DEFB136: variants seen among roughly 807,000 people sequenced by gnomAD.
The protein encoded by DEFB136 is defensin beta 136, also known as beta-defensin 136.
DEFB136 carries 6 observed loss-of-function variants against 2.4 expected under a neutral mutation model. The ratio of observed to expected loss-of-function variants is 2.45; its 90% CI spans 1.34 to 4.84. The LOEUF (loss-of-function observed/expected upper bound fraction) is 4.84, where lower values mean the gene tolerates loss of function less well. Ranked by LOEUF, DEFB136 falls within the 30% of genes most tolerant of loss-of-function variation. The pLI is 0.00. For missense variants in DEFB136, 126 were observed against 98.4 expected (o/e 1.28, Z -1.19); for synonymous variants, 47 against 35.2 (o/e 1.33, Z -1.18).
At chr8:11,974,156 C>G in intron 1 of DEFB136, 38 bp from the exon 2 acceptor site, 2 of 1,510,798 alleles carry the variant, frequency 1.3e-6, no homozygotes, top group Non-Finnish European at 1.8e-6. Context: ...AAAAATCAAT[C>G]TTAATGAGGC....
rs200801364 is a variant in DEFB136, at chr8:11,974,133, G to T, written c.56-15C>A. Reference sequence around the variant, plus strand: ...CATACCTTTTCCTGAAGCGGGGAGAGACCACAGAAAAGAAAAATCAATCTT... The same window carrying T: ...CATACCTTTTCCTGAAGCGGGGAGATACCACAGAAAAGAAAAATCAATCTT... On this transcript the variant is annotated splice_polypyrimidine_tract_variant and intron_variant, in intron 1 of 1. Transcript: ENST00000382209. 2.0e-5 allele frequency: 30 copies of T among 1,535,236 alleles called. No individual in the cohort carries two copies. Among genetic ancestry groups the T allele is most frequent in the Admixed American group, 6.4e-5 (3 of 46,744 alleles).
intron 1 of DEFB136, among the ~76,000 whole-genome samples, chr8:11,974,344 G>T (rs150874981): frequency 6.6e-6 from 1 of 152,132 alleles, no homozygotes; most frequent in South Asian, 2.1e-4. Context: ...ATCCACCCCC[G>T]TCCCCGGTGC....
In DEFB136 at chr8:11,974,116, T is replaced by C; in HGVS notation, c.58A>G (p.Lys20Glu). ...ACTCCATCATTCCCAAACATACCTTTTCCTGAAGCGGGGAGAGACCACAGA... is the reference window on the plus strand; with the variant it reads ...ACTCCATCATTCCCAAACATACCTTCTCCTGAAGCGGGGAGAGACCACAGA... ...FFLVILLPSG[K>E]GMFGNDGVKV... The change falls in exon 2 of 2, where the codon AAA (lysine) becomes GAA (glutamate). Residue 20 changes from lysine (K) to glutamate (E), a missense_variant and splice_region_variant. Lys to Glu is a moderately conservative substitution (Grantham distance 56, BLOSUM62 1). Transcript: ENST00000382209. The C allele has an allele frequency of 6.4e-7, 1 of 1,564,832 alleles. No individual in the cohort carries two copies. The highest frequency in any genetic ancestry group is 8.6e-7 in the Non-Finnish European group (1 of 1,156,954).
chr8:11,974,102 C>A lies in DEFB136; in HGVS notation c.72G>T (p.Gly24=). Residue 24 remains glycine, a synonymous_variant, in exon 2 of 2, where the codon GGG becomes GGT. Coordinates refer to ENST00000382209, the MANE Select transcript of DEFB136 (RefSeq NM_001033018.2). ...ILLPSGKGMF[G]NDGVKVRTCT... Reference sequence around the variant, plus strand: ...AGGTGCGAACTTTGACTCCATCATTCCCAAACATACCTTTTCCTGAAGCGG... The same window carrying A: ...AGGTGCGAACTTTGACTCCATCATTACCAAACATACCTTTTCCTGAAGCGG... The A allele has an allele frequency of 6.4e-7, 1 of 1,573,170 alleles. No homozygotes were observed. Among genetic ancestry groups the A allele is most frequent in the Non-Finnish European group, 8.6e-7 (1 of 1,161,864 alleles).
intron 1 of DEFB136, 123 bp downstream of exon 1, chr8:11,974,422 C>G (rs1234792939): frequency 2.5e-6 from 3 of 1,224,478 alleles, no homozygotes; most frequent in Non-Finnish European, 2.4e-6. Flanking sequence ...CACCATGCCC[C>G]TAACATGGTG....
At chr8:11,974,479 T>G in intron 1 of DEFB136, 66 bp downstream of exon 1, 2 of 1,574,830 alleles carry the variant, frequency 1.3e-6, no homozygotes, top group Non-Finnish European at 1.7e-6. Flanking sequence ...AGTTAGAGGG[T>G]TTTTTAAGCA....
intron 1 of DEFB136, 27 bp downstream of exon 1, chr8:11,974,518 T>C (rs756073379): frequency 6.2e-7 from 1 of 1,613,194 alleles, no homozygotes; most frequent in Non-Finnish European, 8.5e-7. Context: ...CCCACTTTTA[T>C]GTTCAGACTC....
rs139413395 is a variant in DEFB136 at position 11,974,530 on chromosome 8, C to T, written c.55+15G>A. 5.0e-4 allele frequency: 801 copies of T among 1,613,818 alleles called. 4 individuals are homozygous for T. The African/African-American group carries it at 6.2e-3, about 12-fold the overall frequency. On this transcript the variant is annotated intron_variant, in intron 1 of 1. Transcript: ENST00000382209. ...ACACCCACTTTTATGTTCAGACTCA[C>T]GCCCACTGTCTTACCTGAAGGCAGT...
Position 11,974,118 on chromosome 8 carries a change from C to T in DEFB136, c.56G>A (p.Gly19Glu). 1 of 1,562,436 alleles carries T rather than the reference C, an allele frequency of 6.4e-7. No individual in the cohort carries two copies. Among genetic ancestry groups the T allele is most frequent in the South Asian group, 1.2e-5 (1 of 82,092 alleles). Residue 19 changes from glycine to glutamate, a missense_variant and splice_region_variant, in exon 2 of 2, where the codon GGA becomes GAA. By Grantham distance (98) the Gly-to-Glu change is moderately conservative (BLOSUM62 -2). Coordinates refer to ENST00000382209, the MANE Select transcript of DEFB136 (RefSeq NM_001033018.2). ...LFFLVILLPS[G>E]KGMFGNDGVK... is the part of the protein sequence containing the mutation. ...TCCATCATTCCCAAACATACCTTTT[C>T]CTGAAGCGGGGAGAGACCACAGAAA...
intron 1 of DEFB136, among the ~76,000 whole-genome samples, chr8:11,974,339 C>A (rs527699316): frequency 2.0e-5 from 3 of 152,146 alleles, no homozygotes; most frequent in African/African-American, 4.8e-5. Flanking sequence ...ATGACATCCA[C>A]CCCCGTCCCC....
Position 11,974,015 on chromosome 8 carries a change from G to C in DEFB136, c.159C>G (p.Phe53Leu). Residue 53 changes from phenylalanine (F) to leucine (L), a missense_variant, in exon 2 of 2, where the codon TTC (phenylalanine) becomes TTG (leucine). Transcript: ENST00000382209. The stretch of plus-strand genomic sequence containing the variant: ...TACAGCAAGACAGAATATTGTGGCA[G>C]AACGCAATCCACCTGTATCCTGGCG... ...GCPPGYRWIA[F>L]CHNILSCCKN... 2 of 1,612,100 alleles carry C rather than the reference G, an allele frequency of 1.2e-6. No individual in the cohort carries two copies. Among genetic ancestry groups the C allele is most frequent in the Non-Finnish European group, 8.5e-7 (1 of 1,179,102 alleles).
rs1799547132 is a variant in DEFB136, at chr8:11,974,127, G to A, written c.56-9C>T. The A allele has an allele frequency of 1.3e-6, 2 of 1,545,370 alleles. No individual in the cohort carries two copies. Among genetic ancestry groups the A allele is most frequent in the African/African-American group, 2.8e-5 (2 of 72,166 alleles). On this transcript the variant is annotated splice_polypyrimidine_tract_variant and intron_variant, in intron 1 of 1. Transcript: ENST00000382209. ...CCCAAACATACCTTTTCCTGAAGCG[G>A]GGAGAGACCACAGAAAAGAAAAATC... is the stretch of plus-strand genomic sequence containing the variant.
rs369002204 is a variant in DEFB136 at position 11,974,583 on chromosome 8, G to A, written c.17C>T (p.Ser6Phe). The A allele has an allele frequency of 5.6e-6, 9 of 1,613,968 alleles. No homozygotes were observed. The highest frequency in any genetic ancestry group is 6.8e-6 in the Non-Finnish European group (8 of 1,179,990). Residue 6 changes from serine to phenylalanine, a missense_variant, in exon 1 of 2, where the codon TCT becomes TTT. Physicochemically the swap from Ser to Phe is radical, Grantham distance 155 (BLOSUM62 -2). Coordinates refer to ENST00000382209, the MANE Select transcript of DEFB136 (RefSeq NM_001033018.2). ...GATCACCAGGAAAAAGAGTAATGCA[G>A]AAAGACAGAGGTTCATGGCCGAAGA... MNLCL[S>F]ALLFFLVILL... is the part of the protein sequence containing the mutation.
chr8:11,974,487 G>A, intron 1 of DEFB136, 58 bp downstream of exon 1: 1 of 1,587,868 alleles, frequency 6.3e-7, no homozygotes, highest in Non-Finnish European at 8.6e-7. Context: ...GGTTTTTTAA[G>A]CATCTCAATC....
rs1363241214 is a variant in DEFB136, at chr8:11,974,534, C to G, written c.55+11G>C. ...CCACTTTTATGTTCAGACTCACGCC[C>G]ACTGTCTTACCTGAAGGCAGTAAGA... On this transcript the variant is annotated intron_variant, in intron 1 of 1. Coordinates refer to ENST00000382209, the MANE Select transcript of DEFB136 (RefSeq NM_001033018.2). 2 of 1,613,980 alleles carry G rather than the reference C, an allele frequency of 1.2e-6. No individual in the cohort carries two copies. The highest frequency in any genetic ancestry group is 1.7e-6 in the Non-Finnish European group (2 of 1,179,876).
In DEFB136 at chr8:11,974,029, T is replaced by A. The variant is rs766794539; in HGVS notation, c.145A>T (p.Arg49Trp). The change falls in exon 2 of 2, where the codon AGG becomes TGG. Residue 49 changes from arginine (R) to tryptophan (W), a missense_variant. Transcript: ENST00000382209. ...ATATTGTGGCAGAACGCAATCCACC[T>A]GTATCCTGGCGGACACCCGAAGAAA... is the stretch of plus-strand genomic sequence containing the variant. ...VCFFGCPPGY[R>W]WIAFCHNILS... 6.2e-7 allele frequency: 1 copy of A among 1,612,314 alleles called. No individual in the cohort carries two copies. Among genetic ancestry groups the A allele is most frequent in the South Asian group, 1.1e-5 (1 of 90,630 alleles).
chr8:11,974,204 A>G (rs988095081), intron 1 of DEFB136, 86 bp from the exon 2 acceptor site: 3 of 1,453,544 alleles, frequency 2.1e-6, no homozygotes, highest in Admixed American at 2.4e-5. Flanking sequence ...CTCCTGGTTG[A>G]TGGCTTGTTA....
At position 11,974,474 on chromosome 8, in the gene DEFB136, G is replaced by C. The variant is rs1799555429; in HGVS notation, c.55+71C>G. ...TGTCCTGTTGCTGGGCTTATAGTTA[G>C]AGGGTTTTTTAAGCATCTCAATCTT... On this transcript the variant is annotated intron_variant, in intron 1 of 1. Transcript: ENST00000382209. 6.4e-6 allele frequency: 10 copies of C among 1,557,902 alleles called. No homozygotes were observed. The Middle Eastern group carries it at 5.0e-4, about 78-fold the overall frequency.
Position 11,974,408 on chromosome 8 carries a change from C to T in DEFB136, c.55+137G>A, listed in dbSNP as rs767570711. 47 of 1,090,318 alleles carry T rather than the reference C, an allele frequency of 4.3e-5. 1 individual carries two copies. The highest frequency in any genetic ancestry group is 7.1e-5 in the East Asian group (3 of 42,092). The allele number at this position is 1,090,318 out of a possible 1,614,324, so 67.5% of individuals were successfully genotyped here. A position where few individuals can be genotyped will look rare whatever the true frequency, so the allele number is the denominator to read the frequency against. ...GCAGAGCAGGGCAGGAGCTGGGGTCCGCTCACCATGCCCCTAACATGGTGG... is the reference window on the plus strand; with the variant it reads ...GCAGAGCAGGGCAGGAGCTGGGGTCTGCTCACCATGCCCCTAACATGGTGG... On this transcript the variant is annotated intron_variant, in intron 1 of 1. Coordinates refer to ENST00000382209, the MANE Select transcript of DEFB136 (RefSeq NM_001033018.2).
Sources: allele counts gnomAD v4.1 joint callset (sites outside exome capture counted in the v4.1 genomes callset), GRCh38; gene constraint gnomAD v4.1.1; transcripts MANE v1.5; gene names NCBI Gene and HGNC (gene_info 2026-07-23, HGNC 2026-07-21).